DEPDC5: variants seen among roughly 807,000 people sequenced by gnomAD.
The protein encoded by DEPDC5 is GATOR1 complex protein DEPDC5.
DEPDC5 carries 73 observed loss-of-function variants against 217.3 expected under a neutral mutation model. The ratio of observed to expected loss-of-function variants is 0.34; its 90% CI spans 0.28 to 0.41. The LOEUF (loss-of-function observed/expected upper bound fraction) is 0.41, where lower values mean the gene tolerates loss of function less well. Ranked by LOEUF, DEPDC5 falls within the 10% of genes least tolerant of loss-of-function variation. DEPDC5 has a pLI of 1.00. For missense variants in DEPDC5, 1,675 were observed against 2,070.1 expected (o/e 0.81, Z 3.70); for synonymous variants, 733 against 756.7 (o/e 0.97, Z 0.51).
intron 8 of DEPDC5, among the ~76,000 whole-genome samples, chr22:31,780,951 C>T (rs1429651931): frequency 6.6e-6 from 1 of 152,202 alleles, no homozygotes; most frequent in Non-Finnish European, 1.5e-5. Flanking sequence ...GGCGCGGTGG[C>T]TCACGCCTGT....
chr22:31,892,977 G>A (rs2093473091), intron 38 of DEPDC5, among the ~76,000 whole-genome samples: 1 of 151,228 alleles, frequency 6.6e-6, no homozygotes, highest in Non-Finnish European at 1.5e-5. Context: ...CCAGGTTCGA[G>A]CGATTCTCCT....
chr22:31,787,814 TAAAAAAAAAA>T (rs373550815), intron 10 of DEPDC5, among the ~76,000 whole-genome samples: 1 of 127,418 alleles, frequency 7.8e-6, no homozygotes, highest in Admixed American at 8.2e-5. Context: ...CCTGTCTCTT[TAAAAAAAAAA>T]AAAAAAGAAG....
intron 10 of DEPDC5, among the ~76,000 whole-genome samples, chr22:31,786,464 T>C (rs75953951): frequency 0.011 from 1,670 of 150,486 alleles, 37 homozygotes; most frequent in African/African-American, 0.038. Flanking sequence ...ATTTTCCTTA[T>C]GTTTAAAAGT....
At chr22:31,892,522 A>G (rs1602833104) in intron 38 of DEPDC5, among the ~76,000 whole-genome samples, 2 of 152,258 alleles carry the variant, frequency 1.3e-5, no homozygotes, top group East Asian at 3.9e-4. Flanking sequence ...CGTCTCTACT[A>G]AAAATACAAA....
chr22:31,805,701 G>A (rs1320577358), intron 17 of DEPDC5, among the ~76,000 whole-genome samples: 1 of 152,042 alleles, frequency 6.6e-6, no homozygotes, highest in Non-Finnish European at 1.5e-5. Context: ...AGATTTCACT[G>A]TGTTGGCCAA....
intron 24 of DEPDC5, among the ~76,000 whole-genome samples, chr22:31,828,267 A>T (rs1002479774): frequency 1.3e-5 from 2 of 152,124 alleles, no homozygotes; most frequent in African/African-American, 4.8e-5. Context: ...CCTGACCAAC[A>T]TGGAGAAACC....
intron 21 of DEPDC5, chr22:31,815,773 C>G: frequency 8.2e-7 from 1 of 1,219,772 alleles, no homozygotes. Context: ...TCGAGGGATC[C>G]ACCCATTGGC....
intron 33 of DEPDC5, among the ~76,000 whole-genome samples, chr22:31,864,530 A>ATATT (rs1036933217): frequency 2.9e-4 from 41 of 139,046 alleles, no homozygotes; most frequent in Non-Finnish European, 5.0e-4. Flanking sequence ...ATATATTTAT[A>ATATT]TATTTATTTA....
rs759939120 is a variant in DEPDC5, at chr22:31,806,138, A to T, written c.1234A>T (p.Ser412Cys). 149 of 1,613,804 alleles carry T rather than the reference A, an allele frequency of 9.2e-5. No homozygotes were observed. The highest frequency in any genetic ancestry group is 1.2e-4 in the Non-Finnish European group (147 of 1,179,912). ...CTTTTACAGTTTCTACACATCCAAA[A>T]GCCAGCTCTTTTGTAATAGTTTCAC... ...WINHSFYTSK[S>C]QLFCNSFTPR... Residue 412 changes from serine to cysteine, a missense_variant, in exon 18 of 43, where the codon AGC (serine) becomes TGC (cysteine). By Grantham distance (112) the Ser-to-Cys change is moderately radical (BLOSUM62 -1). Coordinates refer to ENST00000651528, the MANE Select transcript of DEPDC5 (RefSeq NM_001242896.3).
chr22:31,896,360 T>C (rs977789644), intron 39 of DEPDC5, among the ~76,000 whole-genome samples: 1 of 152,200 alleles, frequency 6.6e-6, no homozygotes, highest in Non-Finnish European at 1.5e-5. Context: ...GGCTTTTTGT[T>C]GTTATTTTTG....
chr22:31,843,150 C>T lies in DEPDC5; in HGVS notation c.2571C>T (p.Gly857=), dbSNP rs2091500544. 1 of 1,614,042 alleles carries T rather than the reference C, an allele frequency of 6.2e-7. No individual in the cohort carries two copies. Among genetic ancestry groups the T allele is most frequent in the African/African-American group, 1.3e-5 (1 of 74,928 alleles). The part of the protein sequence containing the change: ...EEEDQYWLSM[G]RTFHKVTLKD... ...AGGACCAGTATTGGCTGAGTATGGG[C>T]AGAACGTTCCACAAAGTGACGCTGA... Residue 857 remains glycine (G), a synonymous_variant, in exon 28 of 43, where the codon GGC becomes GGT. Transcript: ENST00000651528.
At chr22:31,870,545 T>C (rs755107123) in intron 33 of DEPDC5, 45 bp from the exon 34 acceptor site, 10 of 1,454,622 alleles carry the variant, frequency 6.9e-6, no homozygotes, top group Non-Finnish European at 9.1e-6. Flanking sequence ...TGTTTTCCTG[T>C]CAGTTATTTT....
Position 31,778,087 on chromosome 22 carries a change from G to A in DEPDC5, c.414-12G>A. On this transcript the variant is annotated splice_polypyrimidine_tract_variant and intron_variant, in intron 7 of 42. Transcript: ENST00000651528. ...GTAAGACTTGTAATAACTTGTGTGT[G>A]TATTCTTTCAGAGCACAGGCTGGTG... 6.2e-7 allele frequency: 1 copy of A among 1,614,014 alleles called. No individual in the cohort carries two copies. Among genetic ancestry groups the A allele is most frequent in the Non-Finnish European group, 8.5e-7 (1 of 1,179,872 alleles).
intron 33 of DEPDC5, among the ~76,000 whole-genome samples, chr22:31,869,450 T>TGCTAC (rs1276209049): frequency 1.3e-5 from 2 of 150,828 alleles, no homozygotes; most frequent in African/African-American, 4.9e-5. Flanking sequence ...CTGTAATCCC[T>TGCTAC]GCTACTTGAG....
At position 31,807,185 on chromosome 22, in the gene DEPDC5, T is replaced by G. The variant is rs150363292; in HGVS notation, c.1287+994T>G. ...GGTGTACCATACTTTTGCAAAGCAT[T>G]TCAGCCATGTGTATTGAGAGCAAAT... On this transcript the variant is annotated intron_variant, in intron 18 of 42. Coordinates refer to ENST00000651528, the MANE Select transcript of DEPDC5 (RefSeq NM_001242896.3). Among the ~76,000 whole-genome samples, 140 of 152,342 alleles carry G rather than the reference T, an allele frequency of 9.2e-4. 2 individuals carry two copies. In the East Asian group the frequency reaches 0.025, roughly 27 times the overall value.
chr22:31,889,610 C>T (rs1177994261), intron 38 of DEPDC5, among the ~76,000 whole-genome samples: 10 of 142,742 alleles, frequency 7.0e-5, no homozygotes, highest in Admixed American at 5.9e-4. Flanking sequence ...AGTGCAGAGG[C>T]GCTCACTGCA....
Position 31,906,452 on chromosome 22 carries a change from G to A in DEPDC5, c.4767G>A (p.Thr1589=), listed in dbSNP as rs1023748508. The A allele has an allele frequency of 1.5e-5, 25 of 1,614,010 alleles. No homozygotes were observed. The highest frequency in any genetic ancestry group is 3.3e-5 in the South Asian group (3 of 91,088). ...FCINRDNRLV[T]FWTSCLEKMH... is the part of the protein sequence containing the mutation. Reference sequence around the variant, plus strand: ...TCAACCGTGACAACCGGCTGGTCACGTTCTGGACAAGTTGCCTGGAGAAGA... The same window carrying A: ...TCAACCGTGACAACCGGCTGGTCACATTCTGGACAAGTTGCCTGGAGAAGA... Residue 1589 remains threonine, a synonymous_variant, in exon 43 of 43, where the codon ACG becomes ACA. Coordinates refer to ENST00000651528, the MANE Select transcript of DEPDC5 (RefSeq NM_001242896.3). This position sits in a 1 kb window ranked among gnomAD's most constrained non-coding sequence, Gnocchi z 5.1.
At chr22:31,811,614 T>G (rs1023085061) in intron 20 of DEPDC5, among the ~76,000 whole-genome samples, 2 of 151,572 alleles carry the variant, frequency 1.3e-5, no homozygotes, top group Non-Finnish European at 2.9e-5. Context: ...CAGTGTCACG[T>G]TGACAGCTCA....
intron 12 of DEPDC5, among the ~76,000 whole-genome samples, chr22:31,796,439 G>A (rs1324884407): frequency 6.6e-6 from 1 of 152,080 alleles, no homozygotes; most frequent in African/African-American, 2.4e-5. Context: ...AAATTACATT[G>A]GGTTACTATT....
Sources: gnomAD v4.1 joint callset for allele counts (sites outside exome capture counted in the v4.1 genomes callset) on GRCh38, gnomAD v4.1.1 for gene constraint, Gnocchi (gnomAD v3.1) non-coding constraint, MANE v1.5 for transcripts, NCBI Gene and HGNC (gene_info 2026-07-23, HGNC 2026-07-21) for gene names.